Variants in NSMCE2 observed in about 807,000 individuals in gnomAD.
NSMCE2 encodes the protein E3 SUMO-protein ligase NSE2.
A neutral mutation model predicts 23.8 loss-of-function variants in NSMCE2; 24 were observed. That is an observed-to-expected ratio of 1.01 (90% CI 0.73 to 1.42). NSMCE2 has a LOEUF of 1.42. NSMCE2 is among the 40% of genes most tolerant of loss of function. The pLI is 0.00. For missense variants in NSMCE2, 284 were observed against 296.5 expected (o/e 0.96, Z 0.31); for synonymous variants, 92 against 94.1 (o/e 0.98, Z 0.13).
chr8:125,171,853 G>A (rs776542421), intron 4 of NSMCE2, among the ~76,000 whole-genome samples: 12 of 152,330 alleles, frequency 7.9e-5, no homozygotes, highest in South Asian at 2.1e-4. Flanking sequence ...TGATGGAAAC[G>A]TTCTATATCT....
chr8:125,290,547 G>A (rs3812467), intron 5 of NSMCE2, among the ~76,000 whole-genome samples: 10,315 of 152,046 alleles, frequency 0.068, 493 homozygotes, highest in South Asian at 0.15. Context: ...AGCATTCTAG[G>A]TTATGTATCC....
At chr8:125,282,215 G>A (rs1391652646) in intron 5 of NSMCE2, among the ~76,000 whole-genome samples, 4 of 151,874 alleles carry the variant, frequency 2.6e-5, no homozygotes, top group African/African-American at 9.7e-5. Flanking sequence ...CCAGGTTTAA[G>A]CGATTCTCCT....
chr8:125,256,032 C>G (rs999804217), intron 5 of NSMCE2, among the ~76,000 whole-genome samples: 4 of 152,104 alleles, frequency 2.6e-5, no homozygotes, highest in Non-Finnish European at 5.9e-5. Flanking sequence ...GCCTGTAATC[C>G]CAGCACTTTG....
chr8:125,272,699 GATATAT>G lies in NSMCE2; in HGVS notation c.419-84508_419-84503del, dbSNP rs10635586. 8.0e-5 allele frequency among the ~76,000 whole-genome samples: 10 copies of G among 125,462 alleles called. 1 individual carries two copies. Among genetic ancestry groups the G allele is most frequent in the African/African-American group, 3.3e-4 (10 of 30,550 alleles). 82.3% of individuals were successfully genotyped at this position (125,462 alleles called of 152,430 possible). ...GTATATATATATCCCAGCTACTTGG[GATATAT>G]ATATATATATAATATATATATATAC... On this transcript the variant is annotated intron_variant, in intron 5 of 7. Coordinates refer to ENST00000287437, the MANE Select transcript of NSMCE2 (RefSeq NM_173685.4).
At chr8:125,277,673 A>C (rs947557046) in intron 5 of NSMCE2, among the ~76,000 whole-genome samples, 2 of 152,018 alleles carry the variant, frequency 1.3e-5, no homozygotes, top group Admixed American at 1.3e-4. Flanking sequence ...CACCTGGCTA[A>C]TTTTTGGTAT....
At chr8:125,198,894 C>G (rs1277345077) in intron 5 of NSMCE2, among the ~76,000 whole-genome samples, 1 of 152,196 alleles carries the variant, frequency 6.6e-6, no homozygotes, top group Non-Finnish European at 1.5e-5. Flanking sequence ...AGAGATTCCA[C>G]TTCTTCCTGG....
intron 3 of NSMCE2, among the ~76,000 whole-genome samples, chr8:125,118,699 G>A (rs531081576): frequency 2.6e-5 from 4 of 152,154 alleles, no homozygotes; most frequent in Non-Finnish European, 4.4e-5. Flanking sequence ...AAGTAAAAAT[G>A]TGTTGATTCT....
chr8:125,198,647 CTCT>C (rs1823733656), intron 5 of NSMCE2, among the ~76,000 whole-genome samples: 1 of 152,156 alleles, frequency 6.6e-6, no homozygotes, highest in Admixed American at 6.5e-5. Flanking sequence ...GTCTAAAATT[CTCT>C]TTTTTTGTTG....
chr8:125,297,047 A>G (rs1320535482), intron 5 of NSMCE2, among the ~76,000 whole-genome samples: 2 of 152,226 alleles, frequency 1.3e-5, no homozygotes, highest in Non-Finnish European at 2.9e-5. Context: ...CACTTATTCA[A>G]TTAAATTGTT....
intron 4 of NSMCE2, among the ~76,000 whole-genome samples, chr8:125,151,652 C>A (rs1586522052): frequency 6.6e-6 from 1 of 152,156 alleles, no homozygotes; most frequent in Admixed American, 6.5e-5. Context: ...CATTCTCTAA[C>A]TTTAATATGC....
chr8:125,117,716 A>G (rs960524452), intron 3 of NSMCE2, among the ~76,000 whole-genome samples: 5 of 151,966 alleles, frequency 3.3e-5, no homozygotes, highest in African/African-American at 4.8e-5. Context: ...AGGTCTTGCT[A>G]TGTTGCCCAG....
chr8:125,129,574 G>GTGTGTC (rs1420111909), intron 3 of NSMCE2, among the ~76,000 whole-genome samples: 1 of 149,574 alleles, frequency 6.7e-6, no homozygotes, highest in East Asian at 1.9e-4. Flanking sequence ...GTGTGTGTGT[G>GTGTGTC]TGTGTCTGTG....
chr8:125,343,974 C>G (rs1270292402), intron 5 of NSMCE2, among the ~76,000 whole-genome samples: 2 of 152,158 alleles, frequency 1.3e-5, no homozygotes, highest in East Asian at 3.9e-4. Context: ...CCACTGCACA[C>G]CAGCCTGGGG....
At chr8:125,346,457 G>A (rs1022491913) in intron 5 of NSMCE2, among the ~76,000 whole-genome samples, 1 of 152,164 alleles carries the variant, frequency 6.6e-6, no homozygotes, top group Non-Finnish European at 1.5e-5. Flanking sequence ...TGCAAAGGGC[G>A]CTCCTTACCT....
chr8:125,215,248 G>A (rs1054468499), intron 5 of NSMCE2, among the ~76,000 whole-genome samples: 2 of 141,350 alleles, frequency 1.4e-5, no homozygotes, highest in African/African-American at 5.3e-5. Flanking sequence ...GTGTCCATGT[G>A]TTCTCATTGT....
chr8:125,179,845 G>T (rs1822711904), intron 4 of NSMCE2, among the ~76,000 whole-genome samples: 1 of 152,194 alleles, frequency 6.6e-6, no homozygotes, highest in Non-Finnish European at 1.5e-5. Flanking sequence ...TGGGAATTAA[G>T]TAGGTTGACT....
intron 5 of NSMCE2, among the ~76,000 whole-genome samples, chr8:125,193,921 T>G (rs1823478874): frequency 2.0e-5 from 3 of 152,208 alleles, no homozygotes; most frequent in Admixed American, 1.3e-4. Flanking sequence ...ATGTCGTTGA[T>G]TTATTTGCCA....
chr8:125,111,955 T>C (rs970336461), intron 3 of NSMCE2, among the ~76,000 whole-genome samples: 2 of 152,242 alleles, frequency 1.3e-5, no homozygotes, highest in Non-Finnish European at 2.9e-5. Flanking sequence ...CTTTTTGTTA[T>C]TAGGAGTCTA....
chr8:125,340,015 T>G (rs1341642327), intron 5 of NSMCE2, among the ~76,000 whole-genome samples: 5 of 122,290 alleles, frequency 4.1e-5, no homozygotes, highest in Admixed American at 2.4e-4. Context: ...TTTTTTTGTT[T>G]TTTTTTTTTT....
Sources: allele counts gnomAD v4.1 joint callset (sites outside exome capture counted in the v4.1 genomes callset), GRCh38; gene constraint gnomAD v4.1.1; transcripts MANE v1.5; gene names NCBI Gene and HGNC (gene_info 2026-07-23, HGNC 2026-07-21).